Variants in RNF214 observed in about 807,000 individuals in gnomAD.
The protein encoded by RNF214 is ring finger protein 214.
RNF214 carries 25 observed loss-of-function variants against 75.9 expected under a neutral mutation model. The observed-to-expected ratio is 0.33, with a 90% CI of 0.24 to 0.46. RNF214 has a LOEUF of 0.46. RNF214 is among the 20% of genes least tolerant of loss of function. The pLI is 1.00. For synonymous variants in RNF214, 314 were observed against 308.8 expected (o/e 1.02, Z -0.18); for missense variants, 725 against 857.5 (o/e 0.85, Z 1.93).
At position 117,239,007 on chromosome 11, in the gene RNF214, C is replaced by T. The variant is rs771501968; in HGVS notation, c.514C>T (p.Arg172Ter). ...TAACAGGGACACAAGCTTGGATTTC[C>T]GACCTGTAGTGTCTCCAGCAAATGG... ...EGNRDTSLDFRPVVSPANGVE... is the reference protein window; with the variant it reads ...EGNRDTSLDF The change falls in exon 3 of 15, where the codon CGA becomes TGA. Residue 172 changes from arginine to a stop codon, truncating the protein, a stop_gained. Coordinates refer to ENST00000300650, the MANE Select transcript of RNF214 (RefSeq NM_207343.4). LOFTEE classifies it high-confidence loss of function. 1.2e-6 allele frequency: 2 copies of T among 1,614,150 alleles called. No homozygotes were observed. Among genetic ancestry groups the T allele is most frequent in the Non-Finnish European group, 1.7e-6 (2 of 1,180,026 alleles).
intron 6 of RNF214, among the ~76,000 whole-genome samples, chr11:117,260,673 C>T (rs1043555059): frequency 4.2e-5 from 6 of 143,640 alleles, no homozygotes; most frequent in African/African-American, 1.0e-4. Context: ...TTATTTGAGA[C>T]GGAGTTTCAC....
At chr11:117,241,610 T>C (rs1260211712) in intron 4 of RNF214, among the ~76,000 whole-genome samples, 1 of 151,946 alleles carries the variant, frequency 6.6e-6, no homozygotes, top group African/African-American at 2.4e-5. Flanking sequence ...TTATTGTAGC[T>C]TTCTCTTGAG....
At chr11:117,252,581 C>A (rs497043) in intron 6 of RNF214, among the ~76,000 whole-genome samples, 2 of 151,778 alleles carry the variant, frequency 1.3e-5, no homozygotes, top group East Asian at 3.9e-4. Context: ...AGCGCAGTGG[C>A]GTGATCTTGG....
At chr11:117,256,056 A>G (rs543603542) in intron 6 of RNF214, among the ~76,000 whole-genome samples, 9 of 152,164 alleles carry the variant, frequency 5.9e-5, no homozygotes, top group Non-Finnish European at 1.2e-4. Flanking sequence ...TAACTACTAT[A>G]TGCAGTATTC....
chr11:117,272,799 T>C (rs918061522), intron 6 of RNF214, among the ~76,000 whole-genome samples: 2 of 152,100 alleles, frequency 1.3e-5, no homozygotes, highest in Admixed American at 6.6e-5. Flanking sequence ...AAATTATCCA[T>C]GTGGGTAGAG....
chr11:117,266,931 G>A (rs524085), intron 6 of RNF214, among the ~76,000 whole-genome samples: 88,270 of 126,540 alleles, frequency 0.7, 32,175 homozygotes, highest in East Asian at 0.95. Flanking sequence ...CTCGGCTCAC[G>A]GCAATCTCTG....
intron 6 of RNF214, among the ~76,000 whole-genome samples, chr11:117,272,546 T>C (rs113359520): frequency 1.3e-5 from 2 of 152,150 alleles, no homozygotes; most frequent in African/African-American, 4.8e-5. Context: ...ATGGCACATG[T>C]ATACCTATGT....
At chr11:117,233,213 C>A (rs1233402151) in intron 1 of RNF214, among the ~76,000 whole-genome samples, 1 of 152,346 alleles carries the variant, frequency 6.6e-6, no homozygotes, top group African/African-American at 2.4e-5. Flanking sequence ...CCTGGGGTTT[C>A]GTTCACCGGG....
At position 117,286,018 on chromosome 11, in the gene RNF214, C is replaced by A. The variant is rs2034251239; in HGVS notation, c.*867C>A. 1 of 152,646 alleles carries A rather than the reference C, an allele frequency of 6.6e-6. No individual in the cohort carries two copies. Among genetic ancestry groups the A allele is most frequent in the Admixed American group, 6.5e-5 (1 of 15,270 alleles). 9.5% of individuals were successfully genotyped at this position (152,646 alleles called of 1,614,324 possible). A position where few individuals can be genotyped will look rare whatever the true frequency, so the allele number is the denominator to read the frequency against. The stretch of plus-strand genomic sequence containing the variant: ...TCTGGTCTCCTAGTCTAGCTAATCC[C>A]CCTCCCCCAGAAGGTTAAGGCAGTT... On this transcript the variant is annotated 3_prime_UTR_variant, in exon 15 of 15. Transcript: ENST00000300650.
In RNF214 at chr11:117,238,791, C is replaced by T. The variant is rs1431743052; in HGVS notation, c.298C>T (p.Leu100Phe). 2 of 1,614,074 alleles carry T rather than the reference C, an allele frequency of 1.2e-6. No individual in the cohort carries two copies. Among genetic ancestry groups the T allele is most frequent in the Non-Finnish European group, 1.7e-6 (2 of 1,180,048 alleles). Residue 100 changes from leucine (L) to phenylalanine (F), a missense_variant, in exon 3 of 15, where the codon CTT becomes TTT. This residue lies in a region of RNF214 where 362 missense variants were observed against 344.5 expected (regional missense o/e 1.05). Coordinates refer to ENST00000300650, the MANE Select transcript of RNF214 (RefSeq NM_207343.4). ...AAACTTGATAGCCACAGCCCTTTGT[C>T]TTTCTGGCAGTGGGTCTCAGTCTGA... is the stretch of plus-strand genomic sequence containing the variant. ...GENLIATALCLSGSGSQSDLK... is the reference protein window; with the variant it reads ...GENLIATALCFSGSGSQSDLK...
intron 6 of RNF214, among the ~76,000 whole-genome samples, chr11:117,278,855 C>T (rs1344484865): frequency 6.6e-6 from 1 of 152,174 alleles, no homozygotes; most frequent in Non-Finnish European, 1.5e-5. Context: ...CTGTGGGAGG[C>T]CGAGGTGGCA....
chr11:117,251,509 G>A (rs374934437), intron 6 of RNF214, among the ~76,000 whole-genome samples: 2 of 105,968 alleles, frequency 1.9e-5, no homozygotes, highest in African/African-American at 3.7e-5. Context: ...CGGACGGGGC[G>A]GCTGGCCGGG....
At chr11:117,266,472 G>A (rs375458263) in intron 6 of RNF214, among the ~76,000 whole-genome samples, 21 of 152,040 alleles carry the variant, frequency 1.4e-4, no homozygotes, top group African/African-American at 3.6e-4. Flanking sequence ...CGATCTTCCC[G>A]CCTCAGCCTC....
At chr11:117,266,366 T>C (rs1438132336) in intron 6 of RNF214, among the ~76,000 whole-genome samples, 3 of 152,202 alleles carry the variant, frequency 2.0e-5, no homozygotes, top group Non-Finnish European at 4.4e-5. Context: ...TTCTTTCTTT[T>C]TTTTTAAATT....
At chr11:117,262,863 G>A (rs1312477530) in intron 6 of RNF214, among the ~76,000 whole-genome samples, 3 of 152,088 alleles carry the variant, frequency 2.0e-5, no homozygotes, top group South Asian at 4.1e-4. Flanking sequence ...AGGTTGAAGT[G>A]CAGTGGCACA....
intron 14 of RNF214, 108 bp from the exon 15 acceptor site, chr11:117,284,978 G>A (rs192811362): frequency 1.2e-4 from 91 of 767,722 alleles, no homozygotes; most frequent in Non-Finnish European, 1.7e-4. Flanking sequence ...TTGTACCTCA[G>A]TGTAAGAACT....
In RNF214 at chr11:117,280,156, G is replaced by A. The variant is rs763847910; in HGVS notation, c.1057-15G>A. 3 of 1,597,818 alleles carry A rather than the reference G, an allele frequency of 1.9e-6. No homozygotes were observed. The South Asian group carries it at 3.3e-5, about 18-fold the overall frequency. On this transcript the variant is annotated splice_polypyrimidine_tract_variant and intron_variant, in intron 7 of 14. Coordinates refer to ENST00000300650, the MANE Select transcript of RNF214 (RefSeq NM_207343.4). Reference sequence around the variant, plus strand: ...TAAAATTAATAAAGTATTTATATGTGTGTGGCTTCCTTAGATCTTATCACT... The same window carrying A: ...TAAAATTAATAAAGTATTTATATGTATGTGGCTTCCTTAGATCTTATCACT...
chr11:117,280,306 T>C (rs1192571528), intron 8 of RNF214, 47 bp downstream of exon 8: 2 of 1,338,412 alleles, frequency 1.5e-6, no homozygotes, highest in Admixed American at 3.5e-5. Flanking sequence ...GCAGTTTGTT[T>C]GTTTGTTTGT....
intron 6 of RNF214, among the ~76,000 whole-genome samples, chr11:117,278,513 G>A (rs998484232): frequency 6.6e-6 from 1 of 152,080 alleles, no homozygotes; most frequent in African/African-American, 2.4e-5. Flanking sequence ...GGCCTCTATA[G>A]TTCTGAGTAG....
Sources: gnomAD v4.1 joint callset for allele counts (sites outside exome capture counted in the v4.1 genomes callset) on GRCh38, gnomAD v4.1.1 for gene constraint, gnomAD v4.1.1 regional missense constraint, MANE v1.5 for transcripts, NCBI Gene and HGNC (gene_info 2026-07-23, HGNC 2026-07-21) for gene names.